The following OSBPL9 variants were observed in gnomAD, a reference collection of about 807,000 sequenced individuals.
OSBPL9 encodes oxysterol-binding protein-related protein 9.
Under a neutral mutation model 106.6 loss-of-function variants are expected in OSBPL9, and 40 were observed. The ratio of observed to expected loss-of-function variants is 0.38; its 90% CI spans 0.29 to 0.49. The LOEUF is 0.49. Among genes scored for constraint, OSBPL9 ranks in the 20% least tolerant of loss-of-function variants. OSBPL9 has a pLI of 0.97. For missense variants in OSBPL9, 609 were observed against 887.2 expected (o/e 0.69, Z 3.98); for synonymous variants, 269 against 295.4 (o/e 0.91, Z 0.92).
Position 51,762,065 on chromosome 1 carries a change from A to G in OSBPL9, c.778+94A>G, listed in dbSNP as rs1041919414. ...GATGAGGAGGGGGAAAGTTGAAGAA[A>G]TGTGTTGTATATTTTCTGTTGGAGA... On this transcript the variant is annotated intron_variant, in intron 11 of 23. Transcript: ENST00000428468. 1.1e-5 allele frequency: 9 copies of G among 835,794 alleles called. No homozygotes were observed. The Admixed American group carries it at 1.7e-4, about 16-fold the overall frequency. 51.8% of individuals were successfully genotyped at this position (835,794 alleles called of 1,614,324 possible).
chr1:51,750,450 A>G (rs547770568), intron 8 of OSBPL9, among the ~76,000 whole-genome samples: 1 of 152,324 alleles, frequency 6.6e-6, no homozygotes, highest in Non-Finnish European at 1.5e-5. Context: ...CATTTTATCC[A>G]TTATCACTGC....
chr1:51,653,633 T>C (rs1485488573), intron 2 of OSBPL9, among the ~76,000 whole-genome samples: 3 of 152,238 alleles, frequency 2.0e-5, no homozygotes, highest in Non-Finnish European at 2.9e-5. Context: ...CCCAAATGTG[T>C]ATCCCTAAGT....
At chr1:51,541,482 A>G in the OSBPL9 span, among the ~76,000 whole-genome samples, 46 of 152,262 alleles carry the variant, frequency 3.0e-4, 1 homozygote, top group African/African-American at 1.0e-3. Context: ...CAATCACCTC[A>G]TGCTGCCTGA....
chr1:51,745,289 A>G, intron 4 of OSBPL9: 1 of 417,744 alleles, frequency 2.4e-6, no homozygotes, highest in Non-Finnish European at 4.1e-6. Context: ...TGGAGAGAAG[A>G]GTAAATCCAA....
rs146227482 is a variant in OSBPL9 at position 51,594,264 on chromosome 1, A to G, written c.-422-3860A>G. 2.6e-4 allele frequency among the ~76,000 whole-genome samples: 39 copies of G among 152,150 alleles called. No individual in the cohort carries two copies. In the East Asian group the frequency reaches 6.8e-3, roughly 26 times the overall value. Reference sequence around the variant, plus strand: ...ATAAAAAATAAATAAATAAATAAATAGCCGGGCGTGGTGGCGGGCACCAGC... The same window carrying G: ...ATAAAAAATAAATAAATAAATAAATGGCCGGGCGTGGTGGCGGGCACCAGC... On this transcript the variant is annotated intron_variant, in intron 1 of 25. Coordinates refer to the OSBPL9 transcript ENST00000371714.
At chr1:51,697,930 G>A (rs950322589) in intron 3 of OSBPL9, among the ~76,000 whole-genome samples, 5 of 151,762 alleles carry the variant, frequency 3.3e-5, no homozygotes, top group Admixed American at 6.6e-5. Context: ...CTCTGGATTA[G>A]TAGAACTAGT....
the OSBPL9 span, among the ~76,000 whole-genome samples, chr1:51,518,920 T>C: frequency 6.6e-6 from 1 of 151,300 alleles, no homozygotes; most frequent in South Asian, 2.1e-4. Flanking sequence ...CGGGTCACAG[T>C]CCACTCGGCA....
chr1:51,681,195 T>C (rs529940845), intron 3 of OSBPL9, among the ~76,000 whole-genome samples: 2 of 152,320 alleles, frequency 1.3e-5, no homozygotes, highest in South Asian at 2.1e-4. Context: ...TTAAGATATA[T>C]AGACAAAAGC....
intron 11 of OSBPL9, 118 bp downstream of exon 11, chr1:51,762,089 G>A: frequency 4.4e-6 from 3 of 689,006 alleles, no homozygotes; most frequent in Non-Finnish European, 7.6e-6. Flanking sequence ...TTCTGTTGGA[G>A]ATATGTTAGT....
intron 10 of OSBPL9, among the ~76,000 whole-genome samples, chr1:51,761,015 A>T (rs1037283342): frequency 2.6e-5 from 4 of 152,220 alleles, no homozygotes; most frequent in African/African-American, 9.6e-5. Flanking sequence ...TAGAAAACAA[A>T]CTTGGTTACT....
chr1:51,667,646 G>A (rs1379920645), intron 2 of OSBPL9, among the ~76,000 whole-genome samples: 1 of 152,160 alleles, frequency 6.6e-6, no homozygotes, highest in African/African-American at 2.4e-5. Flanking sequence ...CATATATTTT[G>A]GTATTTAGTT....
intron 1 of OSBPL9, among the ~76,000 whole-genome samples, chr1:51,591,823 A>C (rs1185057088): frequency 6.6e-6 from 1 of 152,074 alleles, no homozygotes; most frequent in African/African-American, 2.4e-5. Context: ...AAAAAGAGAA[A>C]TATTGGTATC....
At chr1:51,740,211 TGTAA>T (rs1311761405) in intron 4 of OSBPL9, 2 of 1,537,292 alleles carry the variant, frequency 1.3e-6, no homozygotes, top group Non-Finnish European at 1.8e-6. Context: ...CAAAAATAAT[TGTAA>T]GTGATTGAAT....
chr1:51,597,951 C>T (rs568832890), intron 1 of OSBPL9, among the ~76,000 whole-genome samples: 1 of 152,312 alleles, frequency 6.6e-6, no homozygotes, highest in Admixed American at 6.5e-5. Flanking sequence ...GGACATGGAC[C>T]TTTAGGCAAC....
the OSBPL9 span, among the ~76,000 whole-genome samples, chr1:51,564,526 C>G: frequency 1.3e-5 from 2 of 152,196 alleles, no homozygotes; most frequent in Admixed American, 1.3e-4. Context: ...CAGCCTACCC[C>G]AACTTTTATA....
chr1:51,593,582 T>A (rs562790832), intron 1 of OSBPL9, among the ~76,000 whole-genome samples: 68 of 152,302 alleles, frequency 4.5e-4, no homozygotes, highest in South Asian at 1.5e-3. Context: ...GCCCATCTGA[T>A]AAACTGACTT....
intron 4 of OSBPL9, among the ~76,000 whole-genome samples, chr1:51,725,058 C>T (rs1190865066): frequency 6.6e-6 from 1 of 151,064 alleles, no homozygotes; most frequent in African/African-American, 2.4e-5. Flanking sequence ...TCTGGTGTTC[C>T]CATTATGCTT....
At chr1:51,616,961 G>A (rs1557587825), upstream of OSBPL9, 1 of 1,443,712 alleles carries the variant, frequency 6.9e-7, no homozygotes, top group Non-Finnish European at 9.2e-7. Flanking sequence ...CCCTAAGAAA[G>A]CGTGTTTGAC....
intron 17 of OSBPL9, among the ~76,000 whole-genome samples, chr1:51,783,349 A>ATT (rs758238195): frequency 2.6e-3 from 309 of 117,774 alleles, no homozygotes; most frequent in African/African-American, 9.2e-3. Flanking sequence ...TAATTTTCTT[A>ATT]TTTTTTTTTT....
Sources: allele counts gnomAD v4.1 joint callset (sites outside exome capture counted in the v4.1 genomes callset), GRCh38; gene constraint gnomAD v4.1.1; transcripts MANE v1.5; gene names NCBI Gene and HGNC (gene_info 2026-07-23, HGNC 2026-07-21).